Variants in PDE10A observed in about 807,000 individuals in gnomAD.
The protein encoded by PDE10A is phosphodiesterase 10A, also known as cAMP and cAMP-inhibited cGMP 3',5'-cyclic phosphodiesterase 10A.
A neutral mutation model predicts 97.7 loss-of-function variants in PDE10A; 39 were observed. That is an observed-to-expected ratio of 0.40 (90% confidence interval 0.31 to 0.52). PDE10A has a LOEUF of 0.52. Ranked by LOEUF, PDE10A falls within the 20% of genes least tolerant of loss-of-function variation. PDE10A has a pLI of 0.56. For missense variants in PDE10A, 731 were observed against 1,047.8 expected, an observed-to-expected ratio of 0.70 and a Z score of 4.17; for synonymous variants, 371 against 376.8, an observed-to-expected ratio of 0.98 and a Z score of 0.18.
chr6:165,527,015 C>T (rs904263780), intron 2 of PDE10A, among the ~76,000 whole-genome samples: 13 of 152,200 alleles, frequency 8.5e-5, no homozygotes, highest in African/African-American at 3.1e-4. Flanking sequence ...AGCAAACCCA[C>T]TAGACTTATT....
intron 1 of PDE10A, among the ~76,000 whole-genome samples, chr6:165,909,395 G>A (rs1437943866): frequency 1.3e-5 from 2 of 152,224 alleles, no homozygotes; most frequent in Non-Finnish European, 2.9e-5. Flanking sequence ...TATATTGCTC[G>A]CTGTGTTAGT....
chr6:165,635,871 G>T (rs1489706104), intron 1 of PDE10A, among the ~76,000 whole-genome samples: 1 of 152,208 alleles, frequency 6.6e-6, no homozygotes, highest in African/African-American at 2.4e-5. Context: ...AGAAACAGAA[G>T]ATTCCATTCT....
Position 165,692,673 on chromosome 6 carries a change from G to A in PDE10A, c.-614-149105C>T, listed in dbSNP as rs982378278. 9.2e-5 allele frequency among the ~76,000 whole-genome samples: 14 copies of A among 152,168 alleles called. 1 individual carries two copies. The highest frequency in any genetic ancestry group is 2.0e-4 in the Admixed American group (3 of 15,282). On this transcript the variant is annotated intron_variant, in intron 1 of 19. Coordinates refer to the PDE10A transcript ENST00000366882. ...CAGAAAGCATTTTCTCGGCAGTAAC[G>A]CATGCTGTACACAGACATGCCCTGC...
chr6:165,622,205 A>G (rs927939621), intron 1 of PDE10A, among the ~76,000 whole-genome samples: 54 of 152,110 alleles, frequency 3.6e-4, no homozygotes, highest in African/African-American at 1.2e-3. Flanking sequence ...GGCCTCCTCA[A>G]CCACGTGAGC....
At chr6:165,925,186 C>T (rs1002588632) in intron 1 of PDE10A, among the ~76,000 whole-genome samples, 6 of 152,134 alleles carry the variant, frequency 3.9e-5, no homozygotes, top group African/African-American at 1.4e-4. Context: ...ATTAAAGCCT[C>T]AATGAGATAT....
At chr6:165,407,578 T>C (rs1787304868) in intron 13 of PDE10A, among the ~76,000 whole-genome samples, 1 of 152,236 alleles carries the variant, frequency 6.6e-6, no homozygotes, top group African/African-American at 2.4e-5. Flanking sequence ...TAGGCAATAC[T>C]TGGTGGTTGA....
intron 1 of PDE10A, among the ~76,000 whole-genome samples, chr6:165,633,664 G>A (rs1788737028): frequency 1.3e-5 from 2 of 152,060 alleles, no homozygotes; most frequent in South Asian, 4.2e-4. Flanking sequence ...TCTCACTCAG[G>A]TCACCCAGGC....
At chr6:165,497,042 T>A (rs1178947759) in intron 2 of PDE10A, among the ~76,000 whole-genome samples, 1 of 152,118 alleles carries the variant, frequency 6.6e-6, no homozygotes, top group Non-Finnish European at 1.5e-5. Flanking sequence ...TACAAATCAC[T>A]GGATGGTTGG....
intron 18 of PDE10A, among the ~76,000 whole-genome samples, chr6:165,378,727 C>G (rs1441357960): frequency 6.6e-6 from 1 of 152,196 alleles, no homozygotes; most frequent in African/African-American, 2.4e-5. Context: ...AATATTCTGA[C>G]CCTTGTGACT....
chr6:165,431,370 A>T, intron 8 of PDE10A, 52 bp downstream of exon 8: 1 of 1,286,354 alleles, frequency 7.8e-7, no homozygotes, highest in Non-Finnish European at 1.1e-6. Flanking sequence ...GCCTCACTCC[A>T]AAAACCTCTT....
chr6:165,646,640 A>G (rs1478597653), intron 1 of PDE10A, among the ~76,000 whole-genome samples: 1 of 152,198 alleles, frequency 6.6e-6, no homozygotes, highest in African/African-American at 2.4e-5. Flanking sequence ...GCAGAACTCA[A>G]GCTTATGATG....
intron 1 of PDE10A, among the ~76,000 whole-genome samples, chr6:165,609,251 C>A (rs925208957): frequency 2.0e-5 from 3 of 152,186 alleles, no homozygotes; most frequent in African/African-American, 7.2e-5. Context: ...GAACCAAAGA[C>A]AAAAACTACA....
intron 1 of PDE10A, among the ~76,000 whole-genome samples, chr6:165,972,655 G>T (rs1420526158): frequency 9.2e-5 from 14 of 152,104 alleles, no homozygotes; most frequent in Non-Finnish European, 1.5e-5. Context: ...TGAGATGCAG[G>T]TGCGTGCCCC....
chr6:165,631,335 A>G (rs1221606070), intron 1 of PDE10A, among the ~76,000 whole-genome samples: 1 of 152,242 alleles, frequency 6.6e-6, no homozygotes, highest in Non-Finnish European at 1.5e-5. Flanking sequence ...ATTGTTATAC[A>G]TAATTGTTAC....
At chr6:165,439,046 T>C (rs1790249449) in intron 5 of PDE10A, among the ~76,000 whole-genome samples, 1 of 151,870 alleles carries the variant, frequency 6.6e-6, no homozygotes. Flanking sequence ...ATGATTAACG[T>C]AAATAAGTTC....
chr6:165,799,620 G>A (rs924378315), intron 1 of PDE10A, among the ~76,000 whole-genome samples: 1 of 152,136 alleles, frequency 6.6e-6, no homozygotes, highest in Admixed American at 6.5e-5. Context: ...AAGCTTCTAT[G>A]TGCACAGTAT....
intron 2 of PDE10A, among the ~76,000 whole-genome samples, chr6:165,512,450 A>T (rs1781558707): frequency 6.6e-6 from 1 of 151,954 alleles, no homozygotes; most frequent in African/African-American, 2.4e-5. Context: ...TTTTAAAAAA[A>T]AATTCAGCAC....
At chr6:165,656,256 TCTCACACACACACACACACACACA>T (rs1312247278) in intron 1 of PDE10A, among the ~76,000 whole-genome samples, 4 of 106,770 alleles carry the variant, frequency 3.7e-5, no homozygotes, top group East Asian at 3.2e-4. Flanking sequence ...TCTCTCTCTC[TCTCACACACACACACACACACACA>T]CACACACACA....
At chr6:165,962,526 A>G (rs1225481135) in intron 1 of PDE10A, among the ~76,000 whole-genome samples, 1 of 151,764 alleles carries the variant, frequency 6.6e-6, no homozygotes, top group Admixed American at 6.6e-5. Flanking sequence ...ATACCTTTCC[A>G]TGGGGCCCTG....
Sources: allele counts gnomAD v4.1 joint callset (sites outside exome capture counted in the v4.1 genomes callset), GRCh38; gene constraint gnomAD v4.1.1; transcripts MANE v1.5; gene names NCBI Gene and HGNC (gene_info 2026-07-23, HGNC 2026-07-21).